The following PCNA variants were observed in gnomAD, a reference collection of about 807,000 sequenced individuals.
PCNA encodes DNA sliding clamp PCNA.
A neutral mutation model predicts 27.8 loss-of-function variants in PCNA; 4 were observed. The observed-to-expected ratio is 0.14, with a 90% CI of 0.07 to 0.33. PCNA has a LOEUF of 0.33. Among genes scored for constraint, PCNA ranks in the 10% least tolerant of loss-of-function variants. The pLI, the probability that PCNA is intolerant of heterozygous loss-of-function variation, is 1.00. For synonymous variants in PCNA, 121 were observed against 119.4 expected, an observed-to-expected ratio of 1.01 and a Z score of -0.09; for missense variants, 165 against 327.4, an observed-to-expected ratio of 0.50 and a Z score of 3.83.
intron 4 of PCNA, among the ~76,000 whole-genome samples, chr20:5,116,208 T>C (rs2090473809): frequency 6.6e-6 from 1 of 152,200 alleles, no homozygotes; most frequent in African/African-American, 2.4e-5. Context: ...CACACACCTG[T>C]AGTCCCGGCT....
At chr20:5,120,778 AAG>A (rs2090513558), upstream of PCNA, among the ~76,000 whole-genome samples, 1 of 152,120 alleles carries the variant, frequency 6.6e-6, no homozygotes, top group Non-Finnish European at 1.5e-5. Flanking sequence ...AGCTGAGTCA[AAG>A]AGCGTACACA....
At chr20:5,115,682 A>G (rs2090470016) in intron 4 of PCNA, 110 bp from the exon 5 acceptor site, 2 of 862,722 alleles carry the variant, frequency 2.3e-6, no homozygotes, top group Non-Finnish European at 3.5e-6. Flanking sequence ...CTTTGGAGGG[A>G]GCTATGAAAA....
In PCNA at chr20:5,119,673, C is replaced by A; in HGVS notation, c.126G>T (p.Ser42=). The A allele has an allele frequency of 1.2e-6, 2 of 1,612,624 alleles. No individual in the cohort carries two copies. Among genetic ancestry groups the A allele is most frequent in the Non-Finnish European group, 1.7e-6 (2 of 1,179,448 alleles). Reference sequence around the variant, plus strand: ...TGAGCTGCACCAAAGAGACGTGGGACGAGTCCATGCTCTGCAGGTTTACAC... The same window carrying A: ...TGAGCTGCACCAAAGAGACGTGGGAAGAGTCCATGCTCTGCAGGTTTACAC... ...SSGVNLQSMD[S]SHVSLVQLTL... The change falls in exon 1 of 6, where the codon TCG becomes TCT. Residue 42 remains serine, a synonymous_variant. Coordinates refer to ENST00000379143, the MANE Select transcript of PCNA (RefSeq NM_182649.2).
chr20:5,124,474 A>G (rs2090533711), upstream of PCNA, among the ~76,000 whole-genome samples: 7 of 152,156 alleles, frequency 4.6e-5, no homozygotes, highest in Admixed American at 4.6e-4. Context: ...TACTAAAAAT[A>G]CAAAAATTAG....
intron 4 of PCNA, among the ~76,000 whole-genome samples, chr20:5,116,452 T>G (rs2090475959): frequency 6.6e-6 from 1 of 152,202 alleles, no homozygotes; most frequent in South Asian, 2.1e-4. Flanking sequence ...TTCAACTGAA[T>G]TTTACCTTTA....
intron 1 of PCNA, 32 bp downstream of exon 1, chr20:5,119,546 C>G: frequency 1.3e-6 from 2 of 1,576,596 alleles, no homozygotes; most frequent in Non-Finnish European, 8.6e-7. Context: ...GCAGGCGGGC[C>G]GGGGCCGGCT....
At chr20:5,118,255 A>C (rs2090489577) in intron 3 of PCNA, among the ~76,000 whole-genome samples, 1 of 152,220 alleles carries the variant, frequency 6.6e-6, no homozygotes, top group Non-Finnish European at 1.5e-5. Context: ...TTCTAGAAAA[A>C]GTTGTTATGA....
chr20:5,118,839 G>A lies in PCNA; in HGVS notation c.249C>T (p.Gly83=). 1 of 1,612,642 alleles carries A rather than the reference G, an allele frequency of 6.2e-7. No individual in the cohort carries two copies. Among genetic ancestry groups the A allele is most frequent in the Non-Finnish European group, 8.5e-7 (1 of 1,178,762 alleles). Residue 83 remains glycine (G), a synonymous_variant, in exon 2 of 6, where the codon GGC becomes GGT. Transcript: ENST00000379143. Reference sequence around the variant, plus strand: ...CCCTTAGTGTAATGATATCTTCATTGCCGGCGCATTTTAGTATTTTGGACA... The same window carrying A: ...CCCTTAGTGTAATGATATCTTCATTACCGGCGCATTTTAGTATTTTGGACA... ...TSMSKILKCA[G]NEDIITLRAE...
Position 5,115,429 on chromosome 20 carries a change from G to A in PCNA, c.706+20C>T. 2 of 1,613,890 alleles carry A rather than the reference G, an allele frequency of 1.2e-6. No homozygotes were observed. Among genetic ancestry groups the A allele is most frequent in the Non-Finnish European group, 1.7e-6 (2 of 1,179,858 alleles). On this transcript the variant is annotated intron_variant, in intron 5 of 5. Coordinates refer to ENST00000379143, the MANE Select transcript of PCNA (RefSeq NM_182649.2). Reference sequence around the variant, plus strand: ...CACATATGACTACCTACAAAACAAGGTTCAAATTTATTATCTTACCAAGGG... The same window carrying A: ...CACATATGACTACCTACAAAACAAGATTCAAATTTATTATCTTACCAAGGG...
At chr20:5,121,386 C>CTTTTTTTTTTT (rs10712798), upstream of PCNA, 1 of 97,220 alleles carries the variant, frequency 1.0e-5, no homozygotes, top group East Asian at 2.7e-4. Flanking sequence ...CCTTTCTTTC[C>CTTTTTTTTTTT]TTTTTTTTTT....
At chr20:5,118,909 C>G in intron 1 of PCNA, 43 bp from the exon 2 acceptor site, 1 of 1,362,394 alleles carries the variant, frequency 7.3e-7, no homozygotes, top group Admixed American at 1.7e-5. Flanking sequence ...ACGCCGTCTG[C>G]TGAAGGGCTG....
chr20:5,123,400 T>C (rs1437887110), upstream of PCNA, among the ~76,000 whole-genome samples: 1 of 152,160 alleles, frequency 6.6e-6, no homozygotes, highest in East Asian at 1.9e-4. Context: ...GAATAAAAGC[T>C]GTAGACTTTT....
At chr20:5,126,408 T>C (rs1360528590) in intron 1 of PCNA, 1 of 152,260 alleles carries the variant, frequency 6.6e-6, no homozygotes, top group African/African-American at 2.4e-5. Flanking sequence ...GAAGCGTGGG[T>C]TTCATTTCTC....
At chr20:5,124,169 C>T (rs2090532188), upstream of PCNA, among the ~76,000 whole-genome samples, 1 of 152,190 alleles carries the variant, frequency 6.6e-6, no homozygotes, top group Non-Finnish European at 1.5e-5. Flanking sequence ...GAAGTAGGCA[C>T]TTAAATACAT....
At chr20:5,121,877 C>T (rs923523268), upstream of PCNA, among the ~76,000 whole-genome samples, 4 of 152,144 alleles carry the variant, frequency 2.6e-5, no homozygotes, top group East Asian at 1.9e-4. Flanking sequence ...TCTTCCCAAT[C>T]GGTCTCCCAA....
upstream of PCNA, among the ~76,000 whole-genome samples, chr20:5,122,655 C>T (rs76179058): frequency 1.8e-3 from 273 of 152,268 alleles, no homozygotes; most frequent in African/African-American, 6.2e-3. Flanking sequence ...TTCTTGGGTC[C>T]GTTAAAATCT....
rs1229400052 is a variant in PCNA, at chr20:5,119,818, C to T, written c.-20G>A. On this transcript the variant is annotated 5_prime_UTR_variant, in exon 1 of 6. Transcript: ENST00000379143. ...GAACATGGTGGCGGAGTGGCAACAA[C>T]GCCGCTACAGGCAGGCGGGAAGGAG... 5 of 1,541,950 alleles carry T rather than the reference C, an allele frequency of 3.2e-6. No homozygotes were observed. In the Admixed American group the frequency reaches 7.8e-5, roughly 24 times the overall value.
At chr20:5,118,538 T>G in intron 3 of PCNA, 72 bp downstream of exon 3, 1 of 1,136,576 alleles carries the variant, frequency 8.8e-7, no homozygotes, top group Non-Finnish European at 1.3e-6. Context: ...TCTGTAAAAA[T>G]AAACAAACAT....
In PCNA at chr20:5,119,857, GT is replaced by G; in HGVS notation, c.-60del. The G allele has an allele frequency of 7.1e-7, 1 of 1,407,176 alleles. No individual in the cohort carries two copies. Among genetic ancestry groups the G allele is most frequent in the South Asian group, 1.2e-5 (1 of 80,864 alleles). The allele number at this position is 1,407,176 out of a possible 1,614,324, so 87.2% of individuals were successfully genotyped here. A position where few individuals can be genotyped will look rare whatever the true frequency, so the allele number is the denominator to read the frequency against. ...GGCGGGAAGGAGGAAAGTCTAGCTG[GT>G]TTCGGCTTCAGGAGCCTCAGAGCGA... On this transcript the variant is annotated 5_prime_UTR_variant, in exon 1 of 6. Transcript: ENST00000379143.
Sources: allele counts gnomAD v4.1 joint callset (sites outside exome capture counted in the v4.1 genomes callset), GRCh38; gene constraint gnomAD v4.1.1; transcripts MANE v1.5; gene names NCBI Gene and HGNC (gene_info 2026-07-23, HGNC 2026-07-21).